Variants in TMEM131 observed in about 807,000 individuals in gnomAD.
The protein encoded by TMEM131 is transmembrane protein 131, also known as 2610524E03Rik.
TMEM131 carries 66 observed loss-of-function variants against 211.6 expected under a neutral mutation model. That is an observed-to-expected ratio of 0.31 (90% CI 0.26 to 0.38). The LOEUF (loss-of-function observed/expected upper bound fraction) is 0.38. Ranked by LOEUF, TMEM131 falls within the 10% of genes least tolerant of loss-of-function variation. The pLI is 1.00. For missense variants in TMEM131, 2,036 were observed against 2,299.3 expected, an observed-to-expected ratio of 0.89 and a Z score of 2.34; for synonymous variants, 844 against 841.3, an observed-to-expected ratio of 1.00 and a Z score of -0.06.
rs1429483964 is a variant in TMEM131 at position 97,793,456 on chromosome 2, G to A, written c.3484C>T (p.Pro1162Ser). 7.4e-6 allele frequency: 12 copies of A among 1,613,834 alleles called. No individual in the cohort carries two copies. In the East Asian group the frequency reaches 2.7e-4, roughly 36 times the overall value. Residue 1162 changes from proline to serine, a missense_variant, in exon 30 of 41, where the codon CCC becomes TCC. Physicochemically the swap from Pro to Ser is moderately conservative, Grantham distance 74. Coordinates refer to ENST00000186436, the MANE Select transcript of TMEM131 (RefSeq NM_015348.2). ...RRLSFEASNPPFDVGRPFDLR... is the reference protein window; with the variant it reads ...RRLSFEASNPSFDVGRPFDLR... ...TCAAATGGCCTTCCCACATCGAAGG[G>A]CGGGTTCGAGGCCTCAAAGGATAGC...
rs1384364674 is a variant in TMEM131, at chr2:97,762,171, G to C, written c.4753C>G (p.Gln1585Glu). ...STDSLYKLSL[Q>E]TLNADIFLKQ... ...AAGAAAATGTCTGCGTTGAGGGTTT[G>C]CAGAGAAAGTTTATAAAGACTATCA... Residue 1585 changes from glutamine to glutamate, a missense_variant, in exon 36 of 41, where the codon CAA becomes GAA. Gln to Glu is a conservative substitution (Grantham distance 29). This residue lies in a region of TMEM131 where 1,623 missense variants were observed against 1,805.9 expected (regional missense o/e 0.90). Transcript: ENST00000186436. 1 of 1,613,852 alleles carries C rather than the reference G, an allele frequency of 6.2e-7. No homozygotes were observed. Among genetic ancestry groups the C allele is most frequent in the African/African-American group, 1.3e-5 (1 of 74,914 alleles).
chr2:97,780,834 C>T (rs1056495240), intron 31 of TMEM131, among the ~76,000 whole-genome samples: 2 of 152,084 alleles, frequency 1.3e-5, no homozygotes, highest in Non-Finnish European at 1.5e-5. Context: ...AAAGATGGTA[C>T]AAGCTGAATG....
intron 6 of TMEM131, among the ~76,000 whole-genome samples, 157 bp from the exon 7 acceptor site, chr2:97,842,094 G>T (rs1683226872): frequency 6.6e-6 from 1 of 152,082 alleles, no homozygotes; most frequent in African/African-American, 2.4e-5. Context: ...TGTTGTTTCT[G>T]TACATGATTT....
intron 3 of TMEM131, among the ~76,000 whole-genome samples, chr2:97,893,268 C>T (rs1188869893): frequency 6.6e-6 from 1 of 152,190 alleles, no homozygotes; most frequent in African/African-American, 2.4e-5. Context: ...ATATGTGCCA[C>T]ATTTTCTTTA....
intron 1 of TMEM131, among the ~76,000 whole-genome samples, chr2:97,981,357 C>T (rs1416811593): frequency 1.3e-5 from 2 of 152,128 alleles, no homozygotes; most frequent in Non-Finnish European, 1.5e-5. Flanking sequence ...AATGAGATTG[C>T]TAGGTGAAAA....
In TMEM131 at chr2:97,858,685, C is replaced by T. The variant is rs117032684; in HGVS notation, c.483+619G>A. ...GTGCCAGGGGAAAGATGCGCTGTTGCTGGCTTGAAGATGGATGGCCCGTGA... is the reference window on the plus strand; with the variant it reads ...GTGCCAGGGGAAAGATGCGCTGTTGTTGGCTTGAAGATGGATGGCCCGTGA... On this transcript the variant is annotated intron_variant, in intron 5 of 40. Transcript: ENST00000186436. Among the ~76,000 whole-genome samples the T allele has an allele frequency of 2.6e-5, 4 of 152,276 alleles. No individual in the cohort carries two copies. In the East Asian group the frequency reaches 7.7e-4, roughly 29 times the overall value.
At chr2:97,882,856 C>T (rs767035875) in intron 4 of TMEM131, among the ~76,000 whole-genome samples, 20 of 152,162 alleles carry the variant, frequency 1.3e-4, no homozygotes, top group Non-Finnish European at 2.4e-4. Flanking sequence ...TAACAAACTC[C>T]GCTCAGTGTT....
chr2:97,788,131 G>C (rs1680336458), intron 31 of TMEM131, among the ~76,000 whole-genome samples: 1 of 152,080 alleles, frequency 6.6e-6, no homozygotes, highest in Non-Finnish European at 1.5e-5. Context: ...CTGCCCCACA[G>C]AACTCCAGCA....
At chr2:97,816,416 A>G (rs901212595) in intron 12 of TMEM131, among the ~76,000 whole-genome samples, 7 of 152,210 alleles carry the variant, frequency 4.6e-5, no homozygotes, top group Non-Finnish European at 7.3e-5. Flanking sequence ...CAATCTAGGT[A>G]CCCATTAGAT....
At chr2:97,805,879 A>G (rs1681271752) in intron 19 of TMEM131, among the ~76,000 whole-genome samples, 176 bp from the exon 20 acceptor site, 1 of 152,220 alleles carries the variant, frequency 6.6e-6, no homozygotes, top group South Asian at 2.1e-4. Flanking sequence ...CCTCACCAAA[A>G]AACTTTTTTT....
At chr2:97,923,648 AAAAAAGAC>A (rs1676848148) in intron 2 of TMEM131, among the ~76,000 whole-genome samples, 1 of 147,184 alleles carries the variant, frequency 6.8e-6, no homozygotes, top group African/African-American at 2.5e-5. Context: ...AAAAAAAAAA[AAAAAAGAC>A]AAAATTCTGT....
intron 8 of TMEM131, among the ~76,000 whole-genome samples, chr2:97,835,828 C>G (rs1682916169): frequency 6.6e-6 from 1 of 152,134 alleles, no homozygotes; most frequent in African/African-American, 2.4e-5. Flanking sequence ...AGCCCATTGG[C>G]TTTTTTCTCA....
intron 1 of TMEM131, among the ~76,000 whole-genome samples, chr2:97,935,024 T>C (rs1180729713): frequency 1.3e-5 from 2 of 152,026 alleles, no homozygotes; most frequent in Admixed American, 1.3e-4. Context: ...TTGTACCTCA[T>C]TCAAAATTAA....
At position 97,762,113 on chromosome 2, in the gene TMEM131, G is replaced by A. The variant is rs373750674; in HGVS notation, c.4811C>T (p.Ser1604Phe). The A allele has an allele frequency of 1.9e-6, 3 of 1,613,442 alleles. No individual in the cohort carries two copies. The highest frequency in any genetic ancestry group is 2.2e-5 in the East Asian group (1 of 44,850). ...KQRQTSPTPASPSPPAAPCPF... is the reference protein window; with the variant it reads ...KQRQTSPTPAFPSPPAAPCPF... ...GCAGGGGGCAGCTGGGGGAGACGGG[G>A]AAGCAGGTGTCGGTGAGGTCTGGCG... is the stretch of plus-strand genomic sequence containing the variant. Residue 1604 changes from serine to phenylalanine, a missense_variant, in exon 36 of 41, where the codon TCC becomes TTC. Ser to Phe is a radical substitution (Grantham distance 155). Transcript: ENST00000186436.
chr2:97,971,462 C>T (rs1402899207), intron 1 of TMEM131, among the ~76,000 whole-genome samples: 2 of 152,204 alleles, frequency 1.3e-5, no homozygotes, highest in Non-Finnish European at 2.9e-5. Context: ...TTGTGGCTAT[C>T]AATCAATTTC....
At chr2:97,791,620 G>A (rs190554808) in intron 31 of TMEM131, among the ~76,000 whole-genome samples, 7 of 152,306 alleles carry the variant, frequency 4.6e-5, no homozygotes, top group Non-Finnish European at 1.0e-4. Flanking sequence ...ATCAGCCTTG[G>A]CCAACACCTT....
intron 22 of TMEM131, among the ~76,000 whole-genome samples, chr2:97,803,609 G>A (rs1681145256): frequency 6.6e-6 from 1 of 152,166 alleles, no homozygotes; most frequent in Non-Finnish European, 1.5e-5. Context: ...AAGAGTACAA[G>A]TTTATATGAC....
At chr2:97,853,718 G>A (rs988016449) in intron 5 of TMEM131, among the ~76,000 whole-genome samples, 3 of 152,140 alleles carry the variant, frequency 2.0e-5, no homozygotes, top group Admixed American at 1.3e-4. Flanking sequence ...TTTGAAGGAA[G>A]GGTTCAAGAC....
intron 1 of TMEM131, among the ~76,000 whole-genome samples, chr2:97,950,505 T>C (rs1300823780): frequency 6.6e-6 from 1 of 152,130 alleles, no homozygotes; most frequent in African/African-American, 2.4e-5. Flanking sequence ...GTCCCTACAC[T>C]TGCTTCTCCC....
Sources: allele counts gnomAD v4.1 joint callset (sites outside exome capture counted in the v4.1 genomes callset), GRCh38; gene constraint gnomAD v4.1.1; regional missense constraint gnomAD v4.1.1; transcripts MANE v1.5; gene names NCBI Gene and HGNC (gene_info 2026-07-23, HGNC 2026-07-21).